Variants in INO80C observed in about 807,000 individuals in gnomAD.
INO80C encodes the protein INO80 complex subunit C, also known as IES6 homolog.
In INO80C, 17 loss-of-function variants were observed where a neutral mutation model predicts 17.7. That is an observed-to-expected ratio of 0.96 (90% CI 0.66 to 1.44). INO80C has a LOEUF of 1.44. Among genes scored for constraint, INO80C ranks in the 40% most tolerant of loss-of-function variants. INO80C has a pLI of 0.00. For synonymous variants in INO80C, 96 were observed against 95.8 expected (o/e 1.00, Z -0.01); for missense variants, 244 against 245.0 (o/e 1.00, Z 0.03).
intron 4 of INO80C, among the ~76,000 whole-genome samples, chr18:35,476,732 G>A (rs2045741562): frequency 6.6e-6 from 1 of 152,150 alleles, no homozygotes; most frequent in African/African-American, 2.4e-5. Flanking sequence ...TGGGTGCAGA[G>A]GCTCACGTCT....
At chr18:35,493,844 T>C (rs2045953942) in intron 1 of INO80C, among the ~76,000 whole-genome samples, 1 of 152,238 alleles carries the variant, frequency 6.6e-6, no homozygotes, top group South Asian at 2.1e-4. Context: ...TTACATACTT[T>C]GCCTTTACTT....
At chr18:35,468,816 T>C in intron 4 of INO80C, 74 bp from the exon 5 acceptor site, 2 of 1,393,016 alleles carry the variant, frequency 1.4e-6, no homozygotes. Flanking sequence ...AGTTTAAAAA[T>C]TTTTTCTATT....
intron 1 of INO80C, 80 bp downstream of exon 1, chr18:35,497,639 G>A: frequency 1.3e-6 from 2 of 1,516,072 alleles, no homozygotes; most frequent in South Asian, 1.3e-5. Flanking sequence ...CCCACATTAC[G>A]CACGCGCCCT....
At chr18:35,491,758 C>T (rs1314404785) in intron 1 of INO80C, among the ~76,000 whole-genome samples, 1 of 152,136 alleles carries the variant, frequency 6.6e-6, no homozygotes, top group Non-Finnish European at 1.5e-5. Context: ...AATGATGCAT[C>T]ATTTCCATAT....
At chr18:35,479,643 TAGAAA>T (rs1359011928) in intron 2 of INO80C, among the ~76,000 whole-genome samples, 1 of 151,974 alleles carries the variant, frequency 6.6e-6, no homozygotes, top group Non-Finnish European at 1.5e-5. Flanking sequence ...TGTGCTGGAG[TAGAAA>T]TAAAAGGCTA....
intron 4 of INO80C, among the ~76,000 whole-genome samples, chr18:35,477,697 A>G (rs1179335186): frequency 6.6e-6 from 1 of 152,216 alleles, no homozygotes; most frequent in African/African-American, 2.4e-5. Flanking sequence ...ACTTCCCACT[A>G]TTTCAGCTCT....
intron 1 of INO80C, among the ~76,000 whole-genome samples, chr18:35,491,855 G>A (rs1233544339): frequency 6.6e-6 from 1 of 152,192 alleles, no homozygotes; most frequent in Admixed American, 6.5e-5. Context: ...AGGAAGGAAC[G>A]CCTAGCACTA....
chr18:35,497,686 G>A, intron 1 of INO80C, 33 bp downstream of exon 1: 2 of 1,593,998 alleles, frequency 1.3e-6, no homozygotes, highest in Non-Finnish European at 1.7e-6. Context: ...GTTTCGCGAC[G>A]CGCACGCGCA....
chr18:35,480,655 A>T, intron 1 of INO80C, 92 bp from the exon 2 acceptor site: 1 of 933,820 alleles, frequency 1.1e-6, no homozygotes, highest in South Asian at 1.4e-5. Context: ...ATGATGCCAC[A>T]GGGCATGCAA....
At chr18:35,497,396 CA>C (rs1315930047) in intron 1 of INO80C, 1 of 1,100,710 alleles carries the variant, frequency 9.1e-7, no homozygotes, top group Non-Finnish European at 1.1e-6. Context: ...GGAAGACACG[CA>C]AATTTCTGAA....
At position 35,475,607 on chromosome 18, in the gene INO80C, C is replaced by T. The variant is rs139752504; in HGVS notation, c.447+2675G>A. The stretch of plus-strand genomic sequence containing the variant: ...ATCACCTGAGCCTGGGAGGTCAAGA[C>T]GGCTGCAGTGAGCCAAGATGGCATC... On this transcript the variant is annotated intron_variant, in intron 4 of 4. Transcript: ENST00000334598. Among the ~76,000 whole-genome samples the T allele has an allele frequency of 2.8e-3, 419 of 151,692 alleles. 4 individuals carry two copies. Among genetic ancestry groups the T allele is most frequent in the Non-Finnish European group, 2.9e-3 (198 of 67,916 alleles).
In INO80C at chr18:35,497,953, G is replaced by A. The variant is rs1336903896; in HGVS notation, c.-79C>T. On this transcript the variant is annotated 5_prime_UTR_variant, in exon 1 of 5. The change creates a new upstream start codon in the 5' untranslated region. Transcript: ENST00000334598. ...GAACTTCCTTTCCGCTGTTACTTCCGTCTTGATGCTTGAAAACCCGGCCTG... is the reference window on the plus strand; with the variant it reads ...GAACTTCCTTTCCGCTGTTACTTCCATCTTGATGCTTGAAAACCCGGCCTG... The A allele has an allele frequency of 1.4e-6, 2 of 1,398,136 alleles. No homozygotes were observed. Among genetic ancestry groups the A allele is most frequent in the African/African-American group, 1.5e-5 (1 of 66,094 alleles). 86.6% of individuals were successfully genotyped at this position (1,398,136 alleles called of 1,614,324 possible).
chr18:35,491,394 C>T (rs540351865), intron 1 of INO80C, among the ~76,000 whole-genome samples: 9 of 152,210 alleles, frequency 5.9e-5, no homozygotes, highest in Admixed American at 2.6e-4. Flanking sequence ...TGAAAGGGAC[C>T]CCTCCTGCCG....
chr18:35,477,616 T>C (rs2045752363), intron 4 of INO80C, among the ~76,000 whole-genome samples: 1 of 152,154 alleles, frequency 6.6e-6, no homozygotes, highest in Admixed American at 6.5e-5. Context: ...AAAAGATGAA[T>C]CTTAGGTTCC....
chr18:35,476,265 TA>T (rs2045734414), intron 4 of INO80C, among the ~76,000 whole-genome samples: 1 of 152,206 alleles, frequency 6.6e-6, no homozygotes, highest in Non-Finnish European at 1.5e-5. Flanking sequence ...TTAAGGTCAT[TA>T]AAAACAAGGA....
chr18:35,470,034 A>T (rs2045650726), intron 4 of INO80C, among the ~76,000 whole-genome samples: 1 of 152,206 alleles, frequency 6.6e-6, no homozygotes, highest in Non-Finnish European at 1.5e-5. Context: ...CATGAGGGTG[A>T]GTCATTTTGA....
At chr18:35,476,098 G>A (rs993302561) in intron 4 of INO80C, among the ~76,000 whole-genome samples, 6 of 152,176 alleles carry the variant, frequency 3.9e-5, no homozygotes, top group African/African-American at 1.4e-4. Flanking sequence ...AAACATGAAA[G>A]TAACCATTCA....
intron 4 of INO80C, among the ~76,000 whole-genome samples, chr18:35,475,664 C>T (rs1376910601): frequency 7.0e-6 from 1 of 142,490 alleles, no homozygotes; most frequent in Non-Finnish European, 1.5e-5. Context: ...CAGAGTAAGA[C>T]CCTGTCTTAA....
chr18:35,471,756 CCCT>C (rs2045672715), intron 4 of INO80C, among the ~76,000 whole-genome samples: 1 of 145,074 alleles, frequency 6.9e-6, no homozygotes, highest in African/African-American at 2.5e-5. Context: ...CCTCCCCCCT[CCCT>C]GCACCCCACA....
Sources: gnomAD v4.1 joint callset for allele counts (sites outside exome capture counted in the v4.1 genomes callset) on GRCh38, gnomAD v4.1.1 for gene constraint, MANE v1.5 for transcripts, NCBI Gene and HGNC (gene_info 2026-07-23, HGNC 2026-07-21) for gene names.